Variants in KLHDC4 observed in about 807,000 individuals in gnomAD.
The protein encoded by KLHDC4 is kelch domain containing 4.
Under a neutral mutation model 62.4 loss-of-function variants are expected in KLHDC4, and 90 were observed. The ratio of observed to expected loss-of-function variants is 1.44; its 90% CI spans 1.22 to 1.72. The LOEUF (loss-of-function observed/expected upper bound fraction) is 1.72. Ranked by LOEUF, KLHDC4 falls within the 40% of genes most tolerant of loss-of-function variation. KLHDC4 has a pLI of 0.00. For synonymous variants in KLHDC4, 386 were observed against 284.4 expected, an observed-to-expected ratio of 1.36 and a Z score of -3.59; for missense variants, 1,025 against 699.7, an observed-to-expected ratio of 1.47 and a Z score of -5.25.
intron 5 of KLHDC4, among the ~76,000 whole-genome samples, chr16:87,745,081 A>C (rs1431022646): frequency 6.6e-6 from 1 of 152,240 alleles, no homozygotes; most frequent in Non-Finnish European, 1.5e-5. Flanking sequence ...AAATAAGAGG[A>C]AGCATTTCTT....
chr16:87,754,904 AG>A (rs2044619619), intron 4 of KLHDC4, among the ~76,000 whole-genome samples: 2 of 152,122 alleles, frequency 1.3e-5, no homozygotes, highest in Non-Finnish European at 2.9e-5. Flanking sequence ...CCGTGGGCCT[AG>A]GGGGAGTGAG....
chr16:87,762,521 TG>T (rs1396567246), intron 1 of KLHDC4, among the ~76,000 whole-genome samples: 1 of 152,216 alleles, frequency 6.6e-6, no homozygotes, highest in East Asian at 1.9e-4. Context: ...TCCTGTCTGC[TG>T]AGCAGTGTCT....
intron 5 of KLHDC4, chr16:87,730,903 G>C (rs1421632432): frequency 5.8e-6 from 2 of 343,836 alleles, no homozygotes; most frequent in South Asian, 7.7e-5. Context: ...GATTTCCTAG[G>C]TAGAACATTA....
intron 7 of KLHDC4, among the ~76,000 whole-genome samples, chr16:87,718,518 C>T (rs541527683): frequency 3.0e-4 from 45 of 150,368 alleles, no homozygotes; most frequent in African/African-American, 9.5e-4. Context: ...TGCAGGCACG[C>T]GCCGCCACGC....
chr16:87,730,014 C>T (rs2040061792), intron 6 of KLHDC4, among the ~76,000 whole-genome samples: 1 of 152,220 alleles, frequency 6.6e-6, no homozygotes, highest in Admixed American at 6.5e-5. Context: ...AGTTCAGTGG[C>T]ATGATCTCAA....
At chr16:87,747,264 A>T (rs866843981) in intron 5 of KLHDC4, among the ~76,000 whole-genome samples, 4,147 of 152,060 alleles carry the variant, frequency 0.027, 187 homozygotes, top group African/African-American at 0.094. Flanking sequence ...CAGAGACTTC[A>T]CTCTCCTCAC....
chr16:87,723,324 C>T lies in KLHDC4; in HGVS notation c.759+3441G>A, dbSNP rs190990782. 2.6e-5 allele frequency among the ~76,000 whole-genome samples: 4 copies of T among 152,390 alleles called. No homozygotes were observed. The East Asian group carries it at 5.8e-4, about 22-fold the overall frequency. ...AATGCCACAGGCTCAGAGCCAAGAG[C>T]TACTGAACTAAGTGGATTGAGATCA... On this transcript the variant is annotated intron_variant, in intron 7 of 11. Transcript: ENST00000270583.
chr16:87,720,190 C>T (rs1242909976), intron 7 of KLHDC4, among the ~76,000 whole-genome samples: 3 of 152,160 alleles, frequency 2.0e-5, no homozygotes, highest in Non-Finnish European at 4.4e-5. Flanking sequence ...AATGGGCCGG[C>T]GGTGCAGTGG....
chr16:87,753,834 G>C (rs1041560135), intron 4 of KLHDC4, among the ~76,000 whole-genome samples: 1 of 151,350 alleles, frequency 6.6e-6, no homozygotes, highest in South Asian at 2.1e-4. Context: ...TTAGCCAAGC[G>C]TGGTGGCGGG....
At chr16:87,737,826 G>C (rs1477407984) in intron 5 of KLHDC4, among the ~76,000 whole-genome samples, 1 of 152,004 alleles carries the variant, frequency 6.6e-6, no homozygotes, top group Non-Finnish European at 1.5e-5. Flanking sequence ...CCTGACCTCA[G>C]GTGATCCGCC....
intron 7 of KLHDC4, among the ~76,000 whole-genome samples, chr16:87,724,933 T>C (rs1164086629): frequency 6.6e-6 from 1 of 152,208 alleles, no homozygotes; most frequent in East Asian, 1.9e-4. Flanking sequence ...GGCTGTGTCT[T>C]CTGAAGAACG....
rs148469394 is a variant in KLHDC4, at chr16:87,715,392, C to T, written c.760-819G>A. ...CTTCCTCTCCTTGGCGCCCTTGTGACGGATCAGGAACCGGCACTGACCCGT... is the reference window on the plus strand; with the variant it reads ...CTTCCTCTCCTTGGCGCCCTTGTGATGGATCAGGAACCGGCACTGACCCGT... On this transcript the variant is annotated intron_variant, in intron 7 of 11. Coordinates refer to ENST00000270583, the MANE Select transcript of KLHDC4 (RefSeq NM_017566.4). Among the ~76,000 whole-genome samples, 817 of 152,262 alleles carry T rather than the reference C, an allele frequency of 5.4e-3. 8 individuals carry two copies. The highest frequency in any genetic ancestry group is 5.4e-3 in the Admixed American group (82 of 15,290).
chr16:87,713,025 T>G (rs1197857311), intron 8 of KLHDC4, among the ~76,000 whole-genome samples: 1 of 152,196 alleles, frequency 6.6e-6, no homozygotes, highest in African/African-American at 2.4e-5. Flanking sequence ...TGCCATTGTC[T>G]CCTTCTATTT....
chr16:87,746,217 G>A (rs1006034763), intron 5 of KLHDC4, among the ~76,000 whole-genome samples: 1 of 152,052 alleles, frequency 6.6e-6, no homozygotes, highest in Non-Finnish European at 1.5e-5. Flanking sequence ...CTGCAATAAG[G>A]TGTGATCACA....
At chr16:87,734,857 CAT>C (rs538899068) in intron 5 of KLHDC4, among the ~76,000 whole-genome samples, 305 of 152,256 alleles carry the variant, frequency 2.0e-3, no homozygotes, top group African/African-American at 6.9e-3. Flanking sequence ...ACACACTACA[CAT>C]GAGAGTCAAT....
downstream of KLHDC4, among the ~76,000 whole-genome samples, chr16:87,702,845 A>C (rs2034216099): frequency 6.6e-6 from 1 of 152,246 alleles, no homozygotes; most frequent in African/African-American, 2.4e-5. Context: ...AATGACAGAG[A>C]GAACTTTTCT....
rs543018481 is a variant in KLHDC4, at chr16:87,708,087, G to A, written c.*2-12C>T. 8 of 609,542 alleles carry A rather than the reference G, an allele frequency of 1.3e-5. No individual in the cohort carries two copies. The East Asian group carries it at 2.8e-4, about 21-fold the overall frequency. 37.8% of individuals were successfully genotyped at this position (609,542 alleles called of 1,614,324 possible). On this transcript the variant is annotated splice_polypyrimidine_tract_variant and intron_variant, in intron 11 of 11. Transcript: ENST00000270583. Reference sequence around the variant, plus strand: ...TGGCAGGGGCTCTTCTGATACGCAAGGAGGAAGGAATGAGAGAGAAACACA... The same window carrying A: ...TGGCAGGGGCTCTTCTGATACGCAAAGAGGAAGGAATGAGAGAGAAACACA...
chr16:87,702,255 C>T (rs2034178097), exon 1 of KLHDC4: 1 of 456,348 alleles, frequency 2.2e-6, no homozygotes, highest in African/African-American at 2.0e-5. Flanking sequence ...CTGCCAGGCG[C>T]CGAGTCCATA....
chr16:87,741,363 G>A (rs1471402448), intron 5 of KLHDC4, among the ~76,000 whole-genome samples: 1 of 152,154 alleles, frequency 6.6e-6, no homozygotes, highest in Non-Finnish European at 1.5e-5. Flanking sequence ...GAGGTGAGGG[G>A]GCCAGCAGGC....
Sources: gnomAD v4.1 joint callset for allele counts (sites outside exome capture counted in the v4.1 genomes callset) on GRCh38, gnomAD v4.1.1 for gene constraint, MANE v1.5 for transcripts, NCBI Gene and HGNC (gene_info 2026-07-23, HGNC 2026-07-21) for gene names.